The following ZNF710 variants were observed in gnomAD, a reference collection of about 807,000 sequenced individuals.
The protein encoded by ZNF710 is zinc finger protein 710.
In ZNF710, 13 loss-of-function variants were observed where a neutral mutation model predicts 50.6. The ratio of observed to expected loss-of-function variants is 0.26; its 90% CI spans 0.17 to 0.41. The LOEUF is 0.41. Among genes scored for constraint, ZNF710 ranks in the 10% least tolerant of loss-of-function variants. The pLI is 1.00. For missense variants in ZNF710, 721 were observed against 936.6 expected (o/e 0.77, Z 3.01); for synonymous variants, 383 against 397.0 (o/e 0.96, Z 0.42).
chr15:90,010,961 C>T lies in ZNF710; in HGVS notation c.-29+9347C>T, dbSNP rs1898286175. 3.2e-5 allele frequency among the ~76,000 whole-genome samples: 4 copies of T among 126,796 alleles called. No homozygotes were observed. The South Asian group carries it at 1.1e-3, about 35-fold the overall frequency. The allele number at this position is 126,796 out of a possible 152,430, so 83.2% of individuals were successfully genotyped here. A position where few individuals can be genotyped will look rare whatever the true frequency, so the allele number is the denominator to read the frequency against. On this transcript the variant is annotated intron_variant, in intron 1 of 4. Transcript: ENST00000268154. ...TTTTTTTTTTTTTGAGACGGAGTCTCACTCTGTTGCTCAGGCTGGAGTGCA... is the reference window on the plus strand; with the variant it reads ...TTTTTTTTTTTTTGAGACGGAGTCTTACTCTGTTGCTCAGGCTGGAGTGCA...
At chr15:90,020,367 G>A (rs778567469) in intron 1 of ZNF710, among the ~76,000 whole-genome samples, 5 of 152,022 alleles carry the variant, frequency 3.3e-5, no homozygotes, top group African/African-American at 1.2e-4. Context: ...TGCTACCAAC[G>A]CCCCTGCACC....
At chr15:90,020,488 GC>G (rs34774479) in intron 1 of ZNF710, among the ~76,000 whole-genome samples, 3,932 of 42,306 alleles carry the variant, frequency 0.093, 178 homozygotes, top group African/African-American at 0.21. Context: ...CTGCCTCCCC[GC>G]CCCCGGGGAG....
chr15:90,000,862 G>C (rs1183188223), upstream of ZNF710, among the ~76,000 whole-genome samples: 2 of 152,158 alleles, frequency 1.3e-5, no homozygotes, highest in Non-Finnish European at 2.9e-5. Context: ...TTCCCTTGGG[G>C]GGGGCGGGGC....
intron 1 of ZNF710, among the ~76,000 whole-genome samples, chr15:90,051,409 G>A (rs573793009): frequency 2.6e-5 from 4 of 152,058 alleles, no homozygotes; most frequent in African/African-American, 4.8e-5. Context: ...TGAGGCGGGC[G>A]GATCGCCTGA....
At chr15:90,031,771 A>T (rs962479844) in intron 1 of ZNF710, among the ~76,000 whole-genome samples, 1 of 152,060 alleles carries the variant, frequency 6.6e-6, no homozygotes, top group Non-Finnish European at 1.5e-5. Context: ...CCCCAAATCC[A>T]CTGGATCTGG....
chr15:90,016,542 A>T (rs1323984008), intron 1 of ZNF710, among the ~76,000 whole-genome samples: 1 of 152,188 alleles, frequency 6.6e-6, no homozygotes, highest in Admixed American at 6.5e-5. Context: ...CCTGGGCTCA[A>T]GTGATCCTCC....
Position 90,001,610 on chromosome 15 carries a change from C to A in ZNF710, c.-33C>A. The stretch of plus-strand genomic sequence containing the variant: ...CCCAGCGCAGGAGCCGCGCCCGGAC[C>A]CAGGGTGAGTGTCCCGCGCGGCCCC... On this transcript the variant is annotated 5_prime_UTR_variant, in exon 1 of 5. Transcript: ENST00000268154. 6.9e-6 allele frequency: 1 copy of A among 145,118 alleles called. No individual in the cohort carries two copies. The highest frequency in any genetic ancestry group is 1.9e-4 in the South Asian group (1 of 5,376). The allele number at this position is 145,118 out of a possible 1,614,324, so 9.0% of individuals were successfully genotyped here.
chr15:90,062,183 C>T lies in ZNF710; in HGVS notation c.-28-4927C>T, dbSNP rs1022767815. 6.6e-6 allele frequency among the ~76,000 whole-genome samples: 1 copy of T among 151,234 alleles called. No homozygotes were observed. Among genetic ancestry groups the T allele is most frequent in the East Asian group, 1.9e-4 (1 of 5,174 alleles). On this transcript the variant is annotated intron_variant, in intron 1 of 4. Transcript: ENST00000268154. This position sits in a 1 kb window ranked among gnomAD's most constrained non-coding sequence, Gnocchi z 5.6. Reference sequence around the variant, plus strand: ...TCACTCAGGCTCCTCCTCTGCCCCCCCTTCCCTGTCTCTTCATTTCTTCTC... The same window carrying T: ...TCACTCAGGCTCCTCCTCTGCCCCCTCTTCCCTGTCTCTTCATTTCTTCTC...
intron 1 of ZNF710, among the ~76,000 whole-genome samples, chr15:90,046,676 G>A (rs1899472111): frequency 6.6e-6 from 1 of 152,178 alleles, no homozygotes; most frequent in Non-Finnish European, 1.5e-5. Context: ...CCGTGATATG[G>A]TGCTGAGCCC....
At chr15:90,025,127 T>A (rs1050483748) in intron 1 of ZNF710, 1 of 152,148 alleles carries the variant, frequency 6.6e-6, no homozygotes, top group Non-Finnish European at 1.5e-5. Flanking sequence ...GTAGGGGACG[T>A]GGAGGGATGA....
Position 90,027,614 on chromosome 15 carries a change from G to A in ZNF710, c.-29+26000G>A, listed in dbSNP as rs552573864. Among the ~76,000 whole-genome samples, 462 of 152,188 alleles carry A rather than the reference G, an allele frequency of 3.0e-3. 6 individuals carry two copies. The highest frequency in any genetic ancestry group is 0.01 in the African/African-American group (424 of 41,532). ...TGCCTGTAATACTAGCACTTTGGGA[G>A]GCCAAGGCAGGCTGATCATTTGAGG... On this transcript the variant is annotated intron_variant, in intron 1 of 4. Coordinates refer to ENST00000268154, the MANE Select transcript of ZNF710 (RefSeq NM_198526.4).
At chr15:90,069,290 C>T (rs1025811097) in intron 2 of ZNF710, among the ~76,000 whole-genome samples, 2 of 151,688 alleles carry the variant, frequency 1.3e-5, no homozygotes, top group African/African-American at 4.8e-5. Context: ...CACCTATAGT[C>T]CCAGCTACTT....
At chr15:90,061,932 T>C (rs952666650) in intron 1 of ZNF710, among the ~76,000 whole-genome samples, 3 of 152,006 alleles carry the variant, frequency 2.0e-5, no homozygotes, top group African/African-American at 7.3e-5. Flanking sequence ...ATTCCAGAGC[T>C]CTGAGGAGAC....
At chr15:90,046,988 G>A (rs764540508) in intron 1 of ZNF710, among the ~76,000 whole-genome samples, 2 of 152,204 alleles carry the variant, frequency 1.3e-5, no homozygotes, top group Admixed American at 6.5e-5. Flanking sequence ...CTGGCAACCC[G>A]GAAGCTGCCA....
intron 1 of ZNF710, among the ~76,000 whole-genome samples, chr15:90,003,749 T>C (rs1898072737): frequency 6.6e-6 from 1 of 152,172 alleles, no homozygotes; most frequent in Non-Finnish European, 1.5e-5. Flanking sequence ...TTTTATTAGC[T>C]GACCCTCAGG....
chr15:90,002,530 G>C (rs1567216012), intron 1 of ZNF710: 1 of 152,324 alleles, frequency 6.6e-6, no homozygotes, highest in Non-Finnish European at 1.5e-5. Context: ...ACCAGCGTCA[G>C]ATCGGGGCCC....
intron 1 of ZNF710, among the ~76,000 whole-genome samples, chr15:90,065,067 C>G (rs1449333479): frequency 6.6e-6 from 1 of 152,214 alleles, no homozygotes; most frequent in African/African-American, 2.4e-5. Flanking sequence ...ATTCCAGATG[C>G]ACCCTGACCC....
At chr15:90,065,870 G>GT (rs1480922807) in intron 1 of ZNF710, among the ~76,000 whole-genome samples, 2 of 152,100 alleles carry the variant, frequency 1.3e-5, no homozygotes, top group Non-Finnish European at 1.5e-5. Flanking sequence ...TTGTGTCACA[G>GT]TAGCCTGGGC....
chr15:90,077,776 T>A (rs1048728126), intron 4 of ZNF710, among the ~76,000 whole-genome samples: 2 of 152,082 alleles, frequency 1.3e-5, no homozygotes, highest in Non-Finnish European at 2.9e-5. Flanking sequence ...CAAGACCAGG[T>A]GTGGTAGCGC....
Sources: allele counts gnomAD v4.1 joint callset (sites outside exome capture counted in the v4.1 genomes callset), GRCh38; gene constraint gnomAD v4.1.1; non-coding constraint Gnocchi (gnomAD v3.1); transcripts MANE v1.5; gene names NCBI Gene and HGNC (gene_info 2026-07-23, HGNC 2026-07-21).